The following MALRD1 variants were observed in gnomAD, a reference collection of about 807,000 sequenced individuals.
The protein encoded by MALRD1 is MAM and LDL-receptor class A domain-containing protein 1.
MALRD1 carries 247 observed loss-of-function variants against 242.1 expected under a neutral mutation model. That is an observed-to-expected ratio of 1.02 (90% CI 0.92 to 1.13). MALRD1 has a LOEUF of 1.13. MALRD1 is among the 50% of genes most tolerant of loss of function. The pLI, the probability that MALRD1 is intolerant of heterozygous loss-of-function variation, is 0.00. For synonymous variants in MALRD1, 995 were observed against 866.6 expected, an observed-to-expected ratio of 1.15 and a Z score of -2.60; for missense variants, 2,989 against 2,533.1, an observed-to-expected ratio of 1.18 and a Z score of -3.86.
intron 4 of MALRD1, among the ~76,000 whole-genome samples, chr10:19,099,782 G>A (rs1443548256): frequency 7.3e-6 from 1 of 136,548 alleles, no homozygotes; most frequent in East Asian, 2.1e-4. Flanking sequence ...AATTTTTTTT[G>A]CCAGATGGAA....
chr10:19,204,551 A>G, intron 16 of MALRD1, 138 bp downstream of exon 16: 2 of 638,442 alleles, frequency 3.1e-6, no homozygotes, highest in Non-Finnish European at 2.6e-6. Context: ...CATTAAATTC[A>G]TATGATTTTA....
intron 19 of MALRD1, among the ~76,000 whole-genome samples, chr10:19,276,089 C>G (rs541682575): frequency 2.0e-5 from 3 of 152,238 alleles, no homozygotes; most frequent in South Asian, 2.1e-4. Context: ...GAATTAAAAT[C>G]TTTGTCTTAA....
intron 18 of MALRD1, among the ~76,000 whole-genome samples, chr10:19,252,425 A>G (rs1378719375): frequency 2.0e-5 from 3 of 151,906 alleles, no homozygotes; most frequent in Non-Finnish European, 2.9e-5. Context: ...CTAAGTAGAC[A>G]CTCATTTTTC....
chr10:19,276,919 G>T (rs930548949), intron 19 of MALRD1, among the ~76,000 whole-genome samples: 1 of 149,176 alleles, frequency 6.7e-6, no homozygotes, highest in Non-Finnish European at 1.5e-5. Context: ...TTTATTTTTT[G>T]TTTGGGTTGG....
chr10:19,371,422 A>G (rs575711401), intron 26 of MALRD1, among the ~76,000 whole-genome samples: 219 of 152,326 alleles, frequency 1.4e-3, no homozygotes, highest in Non-Finnish European at 2.7e-3. Flanking sequence ...TCATCATTGA[A>G]CATGACATTT....
At chr10:19,517,007 G>T (rs1833666014) in intron 31 of MALRD1, among the ~76,000 whole-genome samples, 1 of 152,094 alleles carries the variant, frequency 6.6e-6, no homozygotes, top group Non-Finnish European at 1.5e-5. Flanking sequence ...CAAAAGTAAG[G>T]CTTTTCATGT....
chr10:19,175,074 G>C, intron 13 of MALRD1, 134 bp from the exon 14 acceptor site: 1 of 539,374 alleles, frequency 1.9e-6, no homozygotes, highest in Non-Finnish European at 2.7e-6. Flanking sequence ...GGATGTTCTG[G>C]TCAGAACAGT....
chr10:19,109,919 G>A (rs892341013), intron 5 of MALRD1, among the ~76,000 whole-genome samples: 1 of 152,190 alleles, frequency 6.6e-6, no homozygotes, highest in African/African-American at 2.4e-5. Flanking sequence ...TGTGGCAACT[G>A]ATCTTTGATG....
At chr10:19,237,605 A>G (rs575989776) in intron 18 of MALRD1, among the ~76,000 whole-genome samples, 3 of 71,256 alleles carry the variant, frequency 4.2e-5, no homozygotes, top group South Asian at 7.5e-4. Flanking sequence ...TATAATTATA[A>G]TTATAATTAT....
chr10:19,705,532 G>A (rs1833822349), intron 38 of MALRD1, among the ~76,000 whole-genome samples: 1 of 152,066 alleles, frequency 6.6e-6, no homozygotes, highest in Admixed American at 6.6e-5. Context: ...TGCATGTATT[G>A]GCCACGCTCT....
At chr10:19,161,539 GAAAAAAAAAGC>G (rs1834407421) in intron 12 of MALRD1, among the ~76,000 whole-genome samples, 1 of 56,688 alleles carries the variant, frequency 1.8e-5, no homozygotes, top group Admixed American at 2.0e-4. Flanking sequence ...TAAAAATAAA[GAAAAAAAAAGC>G]AAAAAAAAAA....
chr10:19,607,674 G>A (rs1564480462), intron 34 of MALRD1, 103 bp from the exon 35 acceptor site: 10 of 1,347,440 alleles, frequency 7.4e-6, no homozygotes, highest in Non-Finnish European at 6.8e-6. Flanking sequence ...AAAAAATCAA[G>A]AGTAATATAA....
intron 36 of MALRD1, among the ~76,000 whole-genome samples, chr10:19,663,441 G>A (rs1841533180): frequency 6.6e-6 from 1 of 152,070 alleles, no homozygotes; most frequent in South Asian, 2.1e-4. Context: ...AGACACTTAA[G>A]TTGATTCCAT....
intron 36 of MALRD1, among the ~76,000 whole-genome samples, chr10:19,678,128 C>G (rs1319895100): frequency 6.6e-6 from 1 of 152,092 alleles, no homozygotes; most frequent in African/African-American, 2.4e-5. Flanking sequence ...GTGCTTTTAT[C>G]TTAGGATTGT....
At chr10:19,320,316 C>A (rs906479808) in intron 21 of MALRD1, among the ~76,000 whole-genome samples, 1 of 151,930 alleles carries the variant, frequency 6.6e-6, no homozygotes, top group African/African-American at 2.4e-5. Flanking sequence ...GGAGAACATG[C>A]AGCGTTTGGT....
At chr10:19,418,147 C>CTCTA (rs576004071) in intron 28 of MALRD1, among the ~76,000 whole-genome samples, 4 of 152,070 alleles carry the variant, frequency 2.6e-5, no homozygotes, top group East Asian at 1.9e-4. Context: ...ATTGACCTGT[C>CTCTA]TCTATCTATC....
At chr10:19,315,896 G>A (rs1250021971) in intron 21 of MALRD1, among the ~76,000 whole-genome samples, 1 of 147,276 alleles carries the variant, frequency 6.8e-6, no homozygotes, top group East Asian at 2.0e-4. Context: ...TTACTAAAAT[G>A]GTACAATTTT....
At chr10:19,536,398 C>T (rs965916837) in intron 32 of MALRD1, among the ~76,000 whole-genome samples, 8 of 150,150 alleles carry the variant, frequency 5.3e-5, no homozygotes, top group East Asian at 2.0e-4. Flanking sequence ...ATGTGCACAA[C>T]GTGCAGGTTT....
At chr10:19,399,286 A>G (rs1846723447) in intron 28 of MALRD1, among the ~76,000 whole-genome samples, 1 of 152,192 alleles carries the variant, frequency 6.6e-6, no homozygotes, top group South Asian at 2.1e-4. Flanking sequence ...TGATTATTTC[A>G]AAGACATTTT....
Sources: gnomAD v4.1 joint callset for allele counts (sites outside exome capture counted in the v4.1 genomes callset) on GRCh38, gnomAD v4.1.1 for gene constraint, MANE v1.5 for transcripts, NCBI Gene and HGNC (gene_info 2026-07-23, HGNC 2026-07-21) for gene names.